TMEM163: variants seen among roughly 807,000 people sequenced by gnomAD.
TMEM163 encodes transmembrane protein 163.
Under a neutral mutation model 29.3 loss-of-function variants are expected in TMEM163, and 17 were observed. The observed-to-expected ratio is 0.58, with a 90% CI of 0.40 to 0.87. The LOEUF (loss-of-function observed/expected upper bound fraction) is 0.87, where lower values mean the gene tolerates loss of function less well. Ranked by LOEUF, TMEM163 falls within the 40% of genes least tolerant of loss-of-function variation. The pLI, the probability that TMEM163 is intolerant of heterozygous loss-of-function variation, is 0.00. For missense variants in TMEM163, 303 were observed against 381.5 expected (o/e 0.79, Z 1.71); for synonymous variants, 157 against 160.6 (o/e 0.98, Z 0.17).
intron 2 of TMEM163, among the ~76,000 whole-genome samples, chr2:134,580,370 GC>G (rs1422120045): frequency 6.6e-6 from 1 of 152,150 alleles, no homozygotes; most frequent in African/African-American, 2.4e-5. Flanking sequence ...AAGAACCAAA[GC>G]CCAATTGTCA....
At chr2:134,516,079 G>A (rs1280951146) in intron 4 of TMEM163, among the ~76,000 whole-genome samples, 2 of 152,008 alleles carry the variant, frequency 1.3e-5, no homozygotes, top group East Asian at 3.9e-4. Context: ...CTGTTTCTGG[G>A]GCAACATAGA....
intron 1 of TMEM163, among the ~76,000 whole-genome samples, chr2:134,718,412 G>A (rs1444258190): frequency 1.3e-5 from 2 of 152,200 alleles, no homozygotes; most frequent in African/African-American, 4.8e-5. Context: ...GACTCCGAAC[G>A]CAAAAAATGC....
intron 2 of TMEM163, among the ~76,000 whole-genome samples, chr2:134,669,317 G>A (rs1443776636): frequency 6.6e-6 from 1 of 152,174 alleles, no homozygotes; most frequent in African/African-American, 2.4e-5. Context: ...TCCAGTCCTA[G>A]TTCTATCCTT....
intron 2 of TMEM163, among the ~76,000 whole-genome samples, chr2:134,693,923 A>G (rs1243223391): frequency 6.6e-6 from 1 of 152,176 alleles, no homozygotes; most frequent in Non-Finnish European, 1.5e-5. Context: ...CTCGCACTGC[A>G]GATCTGTCTT....
At chr2:134,507,336 CTAAATAAATAAATAAA>C (rs111595849) in intron 4 of TMEM163, among the ~76,000 whole-genome samples, 40,684 of 148,962 alleles carry the variant, frequency 0.27, 5,716 homozygotes, top group South Asian at 0.4. Context: ...AACTCTACCT[CTAAATAAATAAATAAA>C]TAAATAAATA....
At chr2:134,482,242 A>C (rs140254818) in intron 5 of TMEM163, among the ~76,000 whole-genome samples, 138 of 152,282 alleles carry the variant, frequency 9.1e-4, no homozygotes, top group African/African-American at 3.3e-3. Flanking sequence ...TAGAAATAAA[A>C]TGCTTTTCTG....
intron 2 of TMEM163, among the ~76,000 whole-genome samples, chr2:134,570,526 C>T (rs1054802473): frequency 7.7e-6 from 1 of 130,114 alleles, no homozygotes; most frequent in African/African-American, 2.9e-5. Context: ...ACATATACAA[C>T]ATAGTCATTT....
At chr2:134,612,542 A>ACAC (rs1682528191) in intron 2 of TMEM163, among the ~76,000 whole-genome samples, 1 of 140,568 alleles carries the variant, frequency 7.1e-6, no homozygotes, top group African/African-American at 2.7e-5. Context: ...GGTTTGCCCC[A>ACAC]ACACACACAC....
chr2:134,581,985 C>T (rs138992894), intron 2 of TMEM163, among the ~76,000 whole-genome samples: 5 of 152,262 alleles, frequency 3.3e-5, no homozygotes, highest in East Asian at 1.9e-4. Flanking sequence ...ACCATGAGTG[C>T]GCATAGAAGT....
chr2:134,718,289 G>A (rs1436129211), intron 1 of TMEM163, among the ~76,000 whole-genome samples: 1 of 152,208 alleles, frequency 6.6e-6, no homozygotes, highest in Admixed American at 6.5e-5. Flanking sequence ...TACACCCGCA[G>A]AGGGAAGTTC....
intron 2 of TMEM163, among the ~76,000 whole-genome samples, chr2:134,590,890 G>A (rs1269049557): frequency 6.6e-6 from 1 of 152,152 alleles, no homozygotes; most frequent in Non-Finnish European, 1.5e-5. Context: ...CACAGATGGG[G>A]GAACTTACAC....
intron 2 of TMEM163, among the ~76,000 whole-genome samples, chr2:134,566,636 G>A (rs1459015404): frequency 5.9e-5 from 9 of 152,166 alleles, no homozygotes; most frequent in Admixed American, 3.9e-4. Flanking sequence ...TGGTGTCAGT[G>A]GGGAAACCTC....
At chr2:134,683,430 A>C (rs1684289715) in intron 2 of TMEM163, among the ~76,000 whole-genome samples, 1 of 152,004 alleles carries the variant, frequency 6.6e-6, no homozygotes, top group East Asian at 1.9e-4. Context: ...TTAATTTAAA[A>C]AAAAAAAAAA....
At chr2:134,603,338 ATTTGGCCCCAAAGGCCATG>A (rs1247312867) in intron 2 of TMEM163, among the ~76,000 whole-genome samples, 2 of 152,236 alleles carry the variant, frequency 1.3e-5, no homozygotes, top group Admixed American at 6.5e-5. Context: ...AATAGTTTGG[ATTTGGCCCCAAAGGCCATG>A]TTTGAACTGA....
At chr2:134,555,516 G>A (rs1011789870) in intron 2 of TMEM163, among the ~76,000 whole-genome samples, 5 of 152,226 alleles carry the variant, frequency 3.3e-5, no homozygotes, top group African/African-American at 1.2e-4. Context: ...GGGCCGTTCT[G>A]AACTCGGACA....
chr2:134,529,813 A>G (rs532821123), intron 4 of TMEM163, among the ~76,000 whole-genome samples: 1 of 152,122 alleles, frequency 6.6e-6, no homozygotes. Flanking sequence ...TACTAATTTT[A>G]AAATCATGAA....
intron 2 of TMEM163, among the ~76,000 whole-genome samples, chr2:134,664,743 G>A (rs1006701259): frequency 2.6e-5 from 4 of 152,158 alleles, no homozygotes; most frequent in African/African-American, 4.8e-5. Context: ...AACGAATGGC[G>A]GATTCTCTGC....
At chr2:134,677,898 A>T (rs1684150545) in intron 2 of TMEM163, among the ~76,000 whole-genome samples, 1 of 152,214 alleles carries the variant, frequency 6.6e-6, no homozygotes. Context: ...TAATGAGGCC[A>T]TGAGTTCTCC....
At chr2:134,545,837 C>T (rs1424987313) in intron 4 of TMEM163, among the ~76,000 whole-genome samples, 1 of 152,176 alleles carries the variant, frequency 6.6e-6, no homozygotes, top group African/African-American at 2.4e-5. Context: ...CAATTACTGA[C>T]CTATCAAGGC....
Sources: allele counts gnomAD v4.1 joint callset (sites outside exome capture counted in the v4.1 genomes callset), GRCh38; gene constraint gnomAD v4.1.1; transcripts MANE v1.5; gene names NCBI Gene and HGNC (gene_info 2026-07-23, HGNC 2026-07-21).